The following NUP210 variants were observed in gnomAD, a reference collection of about 807,000 sequenced individuals.
NUP210 encodes nucleoporin 210, also known as nuclear pore membrane glycoprotein 210.
NUP210 carries 151 observed loss-of-function variants against 196.0 expected under a neutral mutation model. The ratio of observed to expected loss-of-function variants is 0.77; its 90% CI spans 0.67 to 0.88. The LOEUF (loss-of-function observed/expected upper bound fraction) is 0.88. Among genes scored for constraint, NUP210 ranks in the 40% least tolerant of loss-of-function variants. The probability of loss-of-function intolerance (pLI) is 0.00; values close to 1 mark genes in which losing one functional copy is unlikely to be tolerated. For missense variants in NUP210, 2,314 were observed against 2,493.7 expected (o/e 0.93, Z 1.53); for synonymous variants, 1,070 against 1,052.7 (o/e 1.02, Z -0.32).
chr3:13,343,341 G>GGGGGGGGGC, intron 20 of NUP210, 38 bp from the exon 21 acceptor site: 1 of 1,217,962 alleles, frequency 8.2e-7, no homozygotes, highest in South Asian at 1.2e-5. Flanking sequence ...GTGGGTGGTG[G>GGGGGGGGGC]GTTACGCAGC....
chr3:13,335,738 A>G, intron 27 of NUP210, 126 bp from the exon 28 acceptor site: 1 of 1,080,072 alleles, frequency 9.3e-7, no homozygotes, highest in Admixed American at 2.5e-5. Context: ...GCCTGTTCTC[A>G]AGGGCTCTGC....
chr3:13,339,069 C>A (rs1231940909), intron 25 of NUP210, among the ~76,000 whole-genome samples: 1 of 152,208 alleles, frequency 6.6e-6, no homozygotes, highest in Non-Finnish European at 1.5e-5. Flanking sequence ...ACCCCATCCC[C>A]AGGACAGGTT....
chr3:13,317,812 C>A, intron 39 of NUP210, 31 bp from the exon 40 acceptor site: 1 of 1,495,164 alleles, frequency 6.7e-7, no homozygotes, highest in Non-Finnish European at 9.2e-7. Flanking sequence ...ATGTTAGCAG[C>A]AGAGCCAGGG....
In NUP210 at chr3:13,353,998, C is replaced by T; in HGVS notation, c.2438G>A (p.Arg813Lys). 2 of 1,609,722 alleles carry T rather than the reference C, an allele frequency of 1.2e-6. No homozygotes were observed. Residue 813 changes from arginine (R) to lysine (K), a missense_variant, in exon 17 of 40, where the codon AGG (arginine) becomes AAG (lysine). Transcript: ENST00000254508. ...SSLSIQWEST[R>K]PVLASIEPEL... ...AGGCTCGATGCTGGCCAACACTGGC[C>T]TGGTGGACTCCCACTGGATGCTCAG...
At chr3:13,337,700 T>G (rs540499053) in intron 26 of NUP210, 137 bp downstream of exon 26, 1 of 741,422 alleles carries the variant, frequency 1.3e-6, no homozygotes, top group East Asian at 2.7e-5. Flanking sequence ...TCTCCCTGGG[T>G]GGGGACAGGT....
Position 13,379,481 on chromosome 3 carries a change from G to A in NUP210, c.976+82C>T, listed in dbSNP as rs951062538. The A allele has an allele frequency of 3.6e-5, 56 of 1,554,374 alleles. 1 individual carries two copies. In the South Asian group the frequency reaches 5.3e-4, roughly 15 times the overall value. ...GGAAACGGCTATTTTTAGCCCTGCC[G>A]AGCTTTCAGGGAAAAAAAGACTTGA... On this transcript the variant is annotated intron_variant, in intron 7 of 39. Transcript: ENST00000254508. The surrounding 1 kb of genome is among the most constrained non-coding windows in gnomAD (Gnocchi z 4.2).
chr3:13,328,984 C>G, intron 30 of NUP210, 38 bp from the exon 31 acceptor site: 1 of 1,590,104 alleles, frequency 6.3e-7, no homozygotes, highest in Non-Finnish European at 8.6e-7. Context: ...GGATTCAGTG[C>G]CAGGGACTGG....
At position 13,350,767 on chromosome 3, in the gene NUP210, C is replaced by T. The variant is rs1697944020; in HGVS notation, c.2835+1112G>A. ...GGAGTGCAGTGGCGCAATCTTGGCT[C>T]ACTGCAAGCTCCACCCGCTGGGTTC... On this transcript the variant is annotated intron_variant, in intron 20 of 39. Transcript: ENST00000254508. The surrounding 1 kb of genome is among the most constrained non-coding windows in gnomAD (Gnocchi z 4.1). 1.3e-5 allele frequency among the ~76,000 whole-genome samples: 2 copies of T among 149,218 alleles called. No individual in the cohort carries two copies.
At position 13,321,264 on chromosome 3, in the gene NUP210, C is replaced by T. The variant is rs1307987542; in HGVS notation, c.5166+321G>A. Reference sequence around the variant, plus strand: ...TTTCCTCCCTGCTCTGTGGCAGATGCTCCTGCACTGAATTCTGCGATGCCA... The same window carrying T: ...TTTCCTCCCTGCTCTGTGGCAGATGTTCCTGCACTGAATTCTGCGATGCCA... On this transcript the variant is annotated intron_variant, in intron 36 of 39. Transcript: ENST00000254508. 4.6e-5 allele frequency among the ~76,000 whole-genome samples: 7 copies of T among 152,306 alleles called. No homozygotes were observed. The East Asian group carries it at 1.4e-3, about 29-fold the overall frequency.
chr3:13,398,340 G>T (rs1212090455), intron 2 of NUP210, among the ~76,000 whole-genome samples: 4 of 152,110 alleles, frequency 2.6e-5, no homozygotes, highest in African/African-American at 7.2e-5. Flanking sequence ...CTACTTGGGA[G>T]GCTGAGGCAG....
chr3:13,397,734 G>A (rs1699711940), intron 2 of NUP210, among the ~76,000 whole-genome samples: 1 of 152,110 alleles, frequency 6.6e-6, no homozygotes, highest in Non-Finnish European at 1.5e-5. Flanking sequence ...ATTTAAAGCT[G>A]TGGGCAAAAA....
chr3:13,354,055 T>C lies in NUP210; in HGVS notation c.2381A>G (p.Gln794Arg). 1.9e-6 allele frequency: 3 copies of C among 1,604,928 alleles called. No homozygotes were observed. Among genetic ancestry groups the C allele is most frequent in the Non-Finnish European group, 2.6e-6 (3 of 1,176,076 alleles). The change falls in exon 17 of 40, where the codon CAG becomes CGG. Residue 794 changes from glutamine (Q) to arginine (R), a missense_variant. Transcript: ENST00000254508. ...GAAGTTGTCGAACCGGCGGCCCTCC[T>C]GGTCGTAAGCAGCCAGGTCCAGCCG... is the stretch of plus-strand genomic sequence containing the variant. ...NPRLDLAAYD[Q>R]EGRRFDNFSS...
chr3:13,327,502 G>C, intron 31 of NUP210, 65 bp from the exon 32 acceptor site: 4 of 1,204,058 alleles, frequency 3.3e-6, no homozygotes, highest in Non-Finnish European at 4.8e-6. Flanking sequence ...CCCAAAGGGA[G>C]AAACGTAATC....
chr3:13,388,218 T>C, intron 5 of NUP210, 85 bp downstream of exon 5: 1 of 1,020,054 alleles, frequency 9.8e-7, no homozygotes, highest in Non-Finnish European at 1.4e-6. Flanking sequence ...AACGTGCCTA[T>C]AGGTGTGATG....
In NUP210 at chr3:13,371,967, CT is replaced by C; in HGVS notation, c.1652del (p.Gln551ArgfsTer7). 1 of 1,602,986 alleles carries C rather than the reference CT, an allele frequency of 6.2e-7. No individual in the cohort carries two copies. Among genetic ancestry groups the C allele is most frequent in the Non-Finnish European group, 8.5e-7 (1 of 1,174,932 alleles). On this transcript the variant is annotated frameshift_variant, in exon 13 of 40. Transcript: ENST00000254508. LOFTEE classifies it high-confidence loss of function. ...APCQVEARVG[Q>X]ALELPLRISG... ...TGATCCTCAGGGGCAGCTCCAGGGC[CT>C]GGCCCACACGTGCCTCCACCTGGCA...
chr3:13,339,938 C>T lies in NUP210; in HGVS notation c.3387G>A (p.Gln1129=), dbSNP rs781128017. ...VALVSAAGLV[Q]GLAIGNGTVS... ...CAGTGCCGTTCCCGATGGCGAGGCC[C>T]TGTACCAGCCCAGCAGCGCTCACCA... The change falls in exon 25 of 40, where the codon CAG becomes CAA. Residue 1129 remains glutamine (Q), a synonymous_variant. Transcript: ENST00000254508. 32 of 1,613,932 alleles carry T rather than the reference C, an allele frequency of 2.0e-5. No individual in the cohort carries two copies. The South Asian group carries it at 3.5e-4, about 18-fold the overall frequency.
chr3:13,359,721 G>A (rs1390637877), intron 15 of NUP210, among the ~76,000 whole-genome samples: 3 of 152,292 alleles, frequency 2.0e-5, no homozygotes, highest in South Asian at 2.1e-4. Context: ...CAGGCCCCAA[G>A]GCGCCTGAAC....
chr3:13,380,662 A>G (rs996767843), intron 6 of NUP210, among the ~76,000 whole-genome samples: 3 of 152,216 alleles, frequency 2.0e-5, no homozygotes, highest in South Asian at 2.1e-4. Flanking sequence ...AGAAGAGAGA[A>G]GAGGACACAG....
intron 28 of NUP210, among the ~76,000 whole-genome samples, chr3:13,332,604 C>T (rs1398471586): frequency 6.6e-6 from 1 of 152,152 alleles, no homozygotes; most frequent in African/African-American, 2.4e-5. Flanking sequence ...ACACAGCAAA[C>T]CCTCAGTCTC....
Sources: allele counts gnomAD v4.1 joint callset (sites outside exome capture counted in the v4.1 genomes callset), GRCh38; gene constraint gnomAD v4.1.1; non-coding constraint Gnocchi (gnomAD v3.1); transcripts MANE v1.5; gene names NCBI Gene and HGNC (gene_info 2026-07-23, HGNC 2026-07-21).